The following UCKL1 variants were observed in gnomAD, a reference collection of about 807,000 sequenced individuals.
The protein encoded by UCKL1 is uridine-cytidine kinase 1 like 1, also known as uridine-cytidine kinase-like 1.
In UCKL1, 65 loss-of-function variants were observed where a neutral mutation model predicts 59.2. That is an observed-to-expected ratio of 1.10 (90% CI 0.90 to 1.35). The LOEUF (loss-of-function observed/expected upper bound fraction) is 1.35. Among genes scored for constraint, UCKL1 ranks in the 40% most tolerant of loss-of-function variants. The probability of loss-of-function intolerance (pLI) is 0.00; values close to 1 mark genes in which losing one functional copy is unlikely to be tolerated. For missense variants in UCKL1, 703 were observed against 784.3 expected (o/e 0.90, Z 1.24); for synonymous variants, 410 against 323.1 (o/e 1.27, Z -2.88).
intron 1 of UCKL1, chr20:63,954,245 C>G (rs1279063510): frequency 2.0e-5 from 3 of 153,242 alleles, no homozygotes; most frequent in African/African-American, 7.2e-5. Context: ...CCCTCTGCTC[C>G]CCACTTCCAC....
intron 1 of UCKL1, among the ~76,000 whole-genome samples, chr20:63,951,813 A>AGGGCTCAG (rs1239812782): frequency 6.6e-6 from 1 of 152,048 alleles, no homozygotes. Context: ...CTCCCCGCCC[A>AGGGCTCAG]CAGAAACAGG....
rs749484883 is a variant in UCKL1 at position 63,941,037 on chromosome 20, C to G, written c.1029G>C (p.Lys343Asn). ...AGATGAACTCGTCGCGACTGGTCTC[C>G]TTGTCCCTGTGGGGCCAACAGTTGA... ...VRGMHTIIRDKETSRDEFIFY... is the reference protein window; with the variant it reads ...VRGMHTIIRDNETSRDEFIFY... Residue 343 changes from lysine (K) to asparagine (N), a missense_variant, in exon 10 of 15, where the codon AAG becomes AAC. Physicochemically the swap from Lys to Asn is moderately conservative, Grantham distance 94. Transcript: ENST00000354216. The G allele has an allele frequency of 1.3e-6, 2 of 1,581,330 alleles. No individual in the cohort carries two copies. Among genetic ancestry groups the G allele is most frequent in the South Asian group, 2.3e-5 (2 of 87,006 alleles).
Position 63,939,977 on chromosome 20 carries a change from T to C in UCKL1, c.1646A>G (p.Ter549TrpextTer16), listed in dbSNP as rs780872317. The change falls in exon 15 of 15, where the codon TAG (stop) becomes TGG (tryptophan). Residue 549 changes from the stop codon to tryptophan, a stop_lost. Transcript: ENST00000354216. ...GGGACGGGATGGCTCACTGGGCAGC[T>C]AACCCGTGTAGGCCACTTCCTCCTC... ...SDEEEVAYTG[*>W] 1 of 1,605,254 alleles carries C rather than the reference T, an allele frequency of 6.2e-7. No homozygotes were observed. The highest frequency in any genetic ancestry group is 8.5e-7 in the Non-Finnish European group (1 of 1,175,744).
intron 1 of UCKL1, chr20:63,951,212 T>C (rs911563877): frequency 2.7e-5 from 27 of 1,001,492 alleles, no homozygotes; most frequent in Non-Finnish European, 3.1e-5. Flanking sequence ...GTATGCCTGA[T>C]ATTAATAGCG....
At position 63,941,064 on chromosome 20, in the gene UCKL1, C is replaced by T. The variant is rs761423794; in HGVS notation, c.1023-21G>A. On this transcript the variant is annotated intron_variant, in intron 9 of 14. Coordinates refer to ENST00000354216, the MANE Select transcript of UCKL1 (RefSeq NM_017859.4). Reference sequence around the variant, plus strand: ...TGTCCCTGTGGGGCCAACAGTTGAGCGGGAGCACGCGCCCGGGGCCGCCCC... The same window carrying T: ...TGTCCCTGTGGGGCCAACAGTTGAGTGGGAGCACGCGCCCGGGGCCGCCCC... The T allele has an allele frequency of 4.4e-6, 7 of 1,597,650 alleles. No homozygotes were observed. In the Admixed American group the frequency reaches 1.2e-4, roughly 28 times the overall value.
chr20:63,952,895 A>G (rs909154854), intron 1 of UCKL1, among the ~76,000 whole-genome samples: 1 of 152,234 alleles, frequency 6.6e-6, no homozygotes, highest in Non-Finnish European at 1.5e-5. Flanking sequence ...GTCAGCTCAT[A>G]AAGTCCAAGG....
intron 1 of UCKL1, 103 bp downstream of exon 1, chr20:63,956,157 G>A: frequency 9.0e-7 from 1 of 1,115,904 alleles, no homozygotes; most frequent in Non-Finnish European, 1.2e-6. Context: ...CTCCGGGAGT[G>A]GGGGACTTGG....
In UCKL1 at chr20:63,945,131, C is replaced by T. The variant is rs2180468; in HGVS notation, c.655-397G>A. 7.1e-3 allele frequency among the ~76,000 whole-genome samples: 1,088 copies of T among 152,218 alleles called. 10 individuals are homozygous for T. Among genetic ancestry groups the T allele is most frequent in the Non-Finnish European group, 9.8e-3 (668 of 67,988 alleles). On this transcript the variant is annotated intron_variant, in intron 5 of 14. Transcript: ENST00000354216. The stretch of plus-strand genomic sequence containing the variant: ...ACACACTGGGGAATGGGGGACGTGG[C>T]GAGTTTAGGGTCTGTCCCCATGCTC...
intron 1 of UCKL1, among the ~76,000 whole-genome samples, chr20:63,949,145 G>A (rs1325870864): frequency 1.2e-4 from 19 of 152,194 alleles, no homozygotes; most frequent in Non-Finnish European, 2.9e-5. Context: ...CACCATCAGG[G>A]GAGTGAGCAC....
intron 1 of UCKL1, 26 bp downstream of exon 1, chr20:63,956,234 G>A: frequency 6.7e-7 from 1 of 1,503,054 alleles, no homozygotes; most frequent in Non-Finnish European, 8.9e-7. Flanking sequence ...GCTCGCCAGT[G>A]GAGTGGAGGC....
chr20:63,945,551 T>C, intron 5 of UCKL1, 100 bp downstream of exon 5: 1 of 1,255,310 alleles, frequency 8.0e-7, no homozygotes, highest in Non-Finnish European at 1.1e-6. Flanking sequence ...GCCTATACAG[T>C]GTGGAGGCCT....
Position 63,941,175 on chromosome 20 carries a change from C to A in UCKL1, c.957G>T (p.Pro319=). ...TCAGGACGCTCAGCGTCCGGGGCAG[C>A]GGGTGGCACTGGTGTGCCGAGGCCA... ...AALASAHQCH[P]LPRTLSVLKS... is the part of the protein sequence containing the mutation. Residue 319 remains proline (P), a synonymous_variant, in exon 9 of 15, where the codon CCG becomes CCT. Transcript: ENST00000354216. The A allele has an allele frequency of 6.4e-7, 1 of 1,569,536 alleles. No individual in the cohort carries two copies.
chr20:63,941,075 G>T (rs1331825369), intron 9 of UCKL1, 32 bp from the exon 10 acceptor site: 1 of 1,597,840 alleles, frequency 6.3e-7, no homozygotes. Flanking sequence ...GGGAGCACGC[G>T]CCCGGGGCCG....
intron 1 of UCKL1, chr20:63,950,916 A>G: frequency 1.4e-6 from 2 of 1,403,048 alleles, no homozygotes; most frequent in Non-Finnish European, 1.8e-6. Flanking sequence ...CGTGGGGGAC[A>G]TCACCACCTC....
intron 8 of UCKL1, among the ~76,000 whole-genome samples, chr20:63,941,888 G>C (rs2054584538): frequency 6.6e-6 from 1 of 151,324 alleles, no homozygotes; most frequent in African/African-American, 2.4e-5. Context: ...GTGATGCAGG[G>C]GCAGGAAGAG....
intron 1 of UCKL1, among the ~76,000 whole-genome samples, chr20:63,948,633 A>AGGGGGCGTGTGAGAGGG (rs1569123542): frequency 8.5e-4 from 3 of 3,532 alleles, no homozygotes; most frequent in Middle Eastern, 0.083. Flanking sequence ...TGTGAGAGGG[A>AGGGGGCGTGTGAGAGGG]AGGGGCGTGT....
intron 8 of UCKL1, chr20:63,942,474 C>T (rs2054852225): frequency 8.5e-7 from 1 of 1,176,284 alleles, no homozygotes; most frequent in Non-Finnish European, 1.1e-6. Context: ...GCTCACATAT[C>T]CCAACGTAGC....
At chr20:63,942,396 C>A in intron 8 of UCKL1, 1 of 1,171,972 alleles carries the variant, frequency 8.5e-7, no homozygotes, top group Non-Finnish European at 1.1e-6. Context: ...GGAAAGAGGG[C>A]CTAGCGGGAG....
In UCKL1 at chr20:63,940,552, C is replaced by A. The variant is rs766096382; in HGVS notation, c.1302+42G>T. The A allele has an allele frequency of 1.5e-5, 24 of 1,603,692 alleles. No homozygotes were observed. The South Asian group carries it at 2.4e-4, about 16-fold the overall frequency. ...GTCCCCTTGCTGTGAGCTCCCTCTG[C>A]CCCCTACCCCCGGGCTCATCACCCC... is the stretch of plus-strand genomic sequence containing the variant. On this transcript the variant is annotated intron_variant, in intron 12 of 14. Transcript: ENST00000354216.
Sources: gnomAD v4.1 joint callset for allele counts (sites outside exome capture counted in the v4.1 genomes callset) on GRCh38, gnomAD v4.1.1 for gene constraint, MANE v1.5 for transcripts, NCBI Gene and HGNC (gene_info 2026-07-23, HGNC 2026-07-21) for gene names.